The following IFNAR2 variants were observed in gnomAD, a reference collection of about 807,000 sequenced individuals.
IFNAR2 encodes the protein interferon alpha and beta receptor subunit 2.
In IFNAR2, 30 loss-of-function variants were observed where a neutral mutation model predicts 49.4. The observed-to-expected ratio is 0.61, with a 90% confidence interval of 0.45 to 0.82. The LOEUF (loss-of-function observed/expected upper bound fraction) is 0.82. Ranked by LOEUF, IFNAR2 falls within the 40% of genes least tolerant of loss-of-function variation. IFNAR2 has a pLI of 0.00. For missense variants in IFNAR2, 600 were observed against 622.7 expected, an observed-to-expected ratio of 0.96 and a Z score of 0.39; for synonymous variants, 224 against 234.5, an observed-to-expected ratio of 0.96 and a Z score of 0.41.
chr21:33,236,180 C>G (rs1986437454), intron 1 of IFNAR2, among the ~76,000 whole-genome samples: 3 of 152,060 alleles, frequency 2.0e-5, no homozygotes, highest in Admixed American at 2.0e-4. Flanking sequence ...ACAGAGCCAC[C>G]CAAGGGAGCC....
chr21:33,260,910 T>C (rs1988524149), intron 8 of IFNAR2, among the ~76,000 whole-genome samples, 183 bp downstream of exon 8: 1 of 152,104 alleles, frequency 6.6e-6, no homozygotes. Context: ...GTTTTTGTTT[T>C]GTTTTTGTTT....
chr21:33,258,395 T>C (rs1281290685), intron 7 of IFNAR2, among the ~76,000 whole-genome samples: 1 of 152,044 alleles, frequency 6.6e-6, no homozygotes, highest in African/African-American at 2.4e-5. Flanking sequence ...GAGGGGGCCA[T>C]GAGCAAAGGA....
chr21:33,230,474 G>C lies in IFNAR2; in HGVS notation c.-84+258G>C. The C allele has an allele frequency of 2.1e-6, 1 of 470,570 alleles. No individual in the cohort carries two copies. 29.1% of individuals were successfully genotyped at this position (470,570 alleles called of 1,614,324 possible). A position where few individuals can be genotyped will look rare whatever the true frequency, so the allele number is the denominator to read the frequency against. ...GCCCTCCACGCGTCGCCCCTGCTGGGAGTCCGCTTTCGTTGCACCCCTCCG... is the reference window on the plus strand; with the variant it reads ...GCCCTCCACGCGTCGCCCCTGCTGGCAGTCCGCTTTCGTTGCACCCCTCCG... On this transcript the variant is annotated intron_variant, in intron 1 of 8. Transcript: ENST00000342136. This position sits in a 1 kb window ranked among gnomAD's most constrained non-coding sequence, Gnocchi z 5.5.
chr21:33,249,429 G>T (rs9982205), intron 6 of IFNAR2, among the ~76,000 whole-genome samples: 2,693 of 151,736 alleles, frequency 0.018, 88 homozygotes, highest in African/African-American at 0.062. Context: ...GAGATGCAGA[G>T]TACAGCCAAA....
At chr21:33,249,930 G>A (rs1568887914) in intron 6 of IFNAR2, among the ~76,000 whole-genome samples, 1 of 152,024 alleles carries the variant, frequency 6.6e-6, no homozygotes, top group Non-Finnish European at 1.5e-5. Context: ...GAGGTCAGAG[G>A]GTAAATGTGG....
At chr21:33,235,929 A>C (rs1986415012) in intron 1 of IFNAR2, among the ~76,000 whole-genome samples, 2 of 152,226 alleles carry the variant, frequency 1.3e-5, no homozygotes, top group South Asian at 4.1e-4. Flanking sequence ...TCTGTCTCAA[A>C]AAATAAAATA....
intron 6 of IFNAR2, chr21:33,252,082 A>ATCTG: frequency 7.6e-6 from 1 of 131,540 alleles, no homozygotes; most frequent in Non-Finnish European, 1.6e-5. Flanking sequence ...GACCCCATCC[A>ATCTG]TCTATCTATC....
chr21:33,230,183 A>G lies in IFNAR2; in HGVS notation c.-117A>G, dbSNP rs1364682460. 2.0e-6 allele frequency: 2 copies of G among 1,014,266 alleles called. No homozygotes were observed. The highest frequency in any genetic ancestry group is 3.5e-5 in the African/African-American group (2 of 57,364). 62.8% of individuals were successfully genotyped at this position (1,014,266 alleles called of 1,614,324 possible). The stretch of plus-strand genomic sequence containing the variant: ...GGCGCGGCTGGGGCCCGAGGCTAGC[A>G]TCTCTCGGGAGCCGCAAGGCGAGAG... On this transcript the variant is annotated 5_prime_UTR_variant, in exon 1 of 9. Coordinates refer to ENST00000342136, the MANE Select transcript of IFNAR2 (RefSeq NM_001289125.3). The surrounding 1 kb of genome is among the most constrained non-coding windows in gnomAD (Gnocchi z 5.5).
intron 2 of IFNAR2, 56 bp downstream of exon 2, chr21:33,242,033 A>C (rs930290909): frequency 6.5e-7 from 1 of 1,530,204 alleles, no homozygotes; most frequent in African/African-American, 1.4e-5. Flanking sequence ...TGCCATCCTC[A>C]CTGAGAGCAC....
intron 8 of IFNAR2, among the ~76,000 whole-genome samples, chr21:33,261,035 C>CTTTTTTTTTTTT (rs368696822): frequency 2.1e-5 from 2 of 95,980 alleles, no homozygotes; most frequent in African/African-American, 4.4e-5. Context: ...GTTTTCTTTC[C>CTTTTTTTTTTTT]TTTTTTTTTT....
intron 1 of IFNAR2, chr21:33,233,033 T>C (rs1601782486): frequency 6.9e-6 from 4 of 581,270 alleles, no homozygotes; most frequent in Non-Finnish European, 8.7e-6. Flanking sequence ...TGCCTTACAC[T>C]GTGCAACAAC....
In IFNAR2 at chr21:33,264,298, A is replaced by C. The variant is rs899247456; in HGVS notation, c.*798A>C. 1 of 152,256 alleles carries C rather than the reference A, an allele frequency of 6.6e-6. No individual in the cohort carries two copies. The highest frequency in any genetic ancestry group is 6.5e-5 in the Admixed American group (1 of 15,276). The allele number at this position is 152,256 out of a possible 1,614,324, so 9.4% of individuals were successfully genotyped here. A position where few individuals can be genotyped will look rare whatever the true frequency, so the allele number is the denominator to read the frequency against. On this transcript the variant is annotated 3_prime_UTR_variant, in exon 9 of 9. Coordinates refer to ENST00000342136, the MANE Select transcript of IFNAR2 (RefSeq NM_001289125.3). ...GCAGTGGAGAGAAGGGGGGCCCTGC[A>C]CAAGGAAACAGGGAAGAGCCATCGA...
chr21:33,256,710 G>A (rs1319806370), intron 7 of IFNAR2, among the ~76,000 whole-genome samples: 1 of 152,128 alleles, frequency 6.6e-6, no homozygotes, highest in Non-Finnish European at 1.5e-5. Flanking sequence ...GTTTATTGGG[G>A]GCCTGTTATG....
At chr21:33,252,110 A>G (rs1243675118) in intron 6 of IFNAR2, 3 of 463,762 alleles carry the variant, frequency 6.5e-6, no homozygotes, top group East Asian at 7.2e-5. Flanking sequence ...CTATCTATCT[A>G]TCTATCTATA....
chr21:33,250,964 G>T (rs1244267047), intron 6 of IFNAR2, among the ~76,000 whole-genome samples: 1 of 152,182 alleles, frequency 6.6e-6, no homozygotes, highest in East Asian at 1.9e-4. Flanking sequence ...AATTCCAGGT[G>T]TCCGTAAGGA....
intron 7 of IFNAR2, among the ~76,000 whole-genome samples, chr21:33,253,519 G>A (rs954139783): frequency 1.3e-5 from 2 of 152,184 alleles, no homozygotes; most frequent in African/African-American, 4.8e-5. Context: ...CCCAACCGCA[G>A]TGTTAGGGGA....
rs959754722 is a variant in IFNAR2, at chr21:33,264,392, C to T, written c.*892C>T. ...CTGTCTCCTGCAATTGGAATTCCAC[C>T]TTGTCCAGCCCTCCCCAGTTAAAGT... On this transcript the variant is annotated 3_prime_UTR_variant, in exon 9 of 9. Coordinates refer to ENST00000342136, the MANE Select transcript of IFNAR2 (RefSeq NM_001289125.3). 6.6e-6 allele frequency: 1 copy of T among 152,038 alleles called. No homozygotes were observed. The highest frequency in any genetic ancestry group is 1.5e-5 in the Non-Finnish European group (1 of 68,014). 9.4% of individuals were successfully genotyped at this position (152,038 alleles called of 1,614,324 possible). A position where few individuals can be genotyped will look rare whatever the true frequency, so the allele number is the denominator to read the frequency against.
chr21:33,248,408 G>GA (rs935290545), intron 5 of IFNAR2, among the ~76,000 whole-genome samples: 2 of 150,830 alleles, frequency 1.3e-5, no homozygotes, highest in Non-Finnish European at 3.0e-5. Context: ...GAGAGAGAGA[G>GA]AGAGAAAGAG....
At chr21:33,260,067 G>A (rs75320108) in intron 7 of IFNAR2, among the ~76,000 whole-genome samples, 3,309 of 152,288 alleles carry the variant, frequency 0.022, 124 homozygotes, top group African/African-American at 0.076. Flanking sequence ...TTTTCCAAAA[G>A]GAATTTTGAT....
Sources: gnomAD v4.1 joint callset for allele counts (sites outside exome capture counted in the v4.1 genomes callset) on GRCh38, gnomAD v4.1.1 for gene constraint, Gnocchi (gnomAD v3.1) non-coding constraint, MANE v1.5 for transcripts, NCBI Gene and HGNC (gene_info 2026-07-23, HGNC 2026-07-21) for gene names.